The following CRTAC1 variants were observed in gnomAD, a reference collection of about 807,000 sequenced individuals.
CRTAC1 encodes cartilage acidic protein 1.
In CRTAC1, 37 loss-of-function variants were observed where a neutral mutation model predicts 67.8. That is an observed-to-expected ratio of 0.55 (90% CI 0.42 to 0.72). CRTAC1 has a LOEUF of 0.72. CRTAC1 is among the 30% of genes least tolerant of loss of function. The probability of loss-of-function intolerance (pLI) is 0.00; values close to 1 mark genes in which losing one functional copy is unlikely to be tolerated. For synonymous variants in CRTAC1, 348 were observed against 371.0 expected (o/e 0.94, Z 0.71); for missense variants, 780 against 931.6 (o/e 0.84, Z 2.12).
intron 3 of CRTAC1, among the ~76,000 whole-genome samples, 180 bp downstream of exon 3, chr10:97,935,990 C>T (rs1440231154): frequency 6.6e-6 from 1 of 152,140 alleles, no homozygotes; most frequent in Non-Finnish European, 1.5e-5. Context: ...TACAGGCTCA[C>T]ACGCAAGAGA....
chr10:97,893,891 A>C (rs1479918101), intron 11 of CRTAC1, among the ~76,000 whole-genome samples: 1 of 152,192 alleles, frequency 6.6e-6, no homozygotes, highest in Non-Finnish European at 1.5e-5. Context: ...TTTCTCACTC[A>C]CCATAGTGCC....
intron 2 of CRTAC1, among the ~76,000 whole-genome samples, chr10:97,978,609 G>C (rs2051844086): frequency 1.3e-5 from 2 of 152,102 alleles, no homozygotes; most frequent in African/African-American, 4.8e-5. Context: ...TGGAGTTGAT[G>C]GCTTCCTCAA....
At chr10:97,955,289 G>A (rs555476677) in intron 2 of CRTAC1, among the ~76,000 whole-genome samples, 15 of 152,338 alleles carry the variant, frequency 9.8e-5, no homozygotes, top group South Asian at 4.1e-4. Context: ...AGAAAGAGAC[G>A]GGCTCTGGGC....
Position 98,029,725 on chromosome 10 carries a change from C to T in CRTAC1, c.24+724G>A, listed in dbSNP as rs1396810130. Among the ~76,000 whole-genome samples the T allele has an allele frequency of 1.3e-5, 2 of 152,348 alleles. No homozygotes were observed. The highest frequency in any genetic ancestry group is 6.5e-5 in the Admixed American group (1 of 15,308). ...CAAAGAAGCGCGCTGCATTGCTGGG[C>T]ATGCCCCCAAGCCCGGCCTGGCTGC... On this transcript the variant is annotated intron_variant, in intron 1 of 14. Coordinates refer to ENST00000370597, the MANE Select transcript of CRTAC1 (RefSeq NM_018058.7). This position sits in a 1 kb window ranked among gnomAD's most constrained non-coding sequence, Gnocchi z 4.7.
At chr10:97,906,888 G>C (rs902381132) in intron 6 of CRTAC1, among the ~76,000 whole-genome samples, 3 of 152,194 alleles carry the variant, frequency 2.0e-5, no homozygotes, top group African/African-American at 7.2e-5. Context: ...GCAGGGATTC[G>C]ATGTGAACTG....
chr10:97,901,717 G>C, intron 7 of CRTAC1, 78 bp from the exon 8 acceptor site: 1 of 1,552,360 alleles, frequency 6.4e-7, no homozygotes, highest in Non-Finnish European at 8.8e-7. Context: ...ATGGAGTGTG[G>C]GGGCAATTAA....
intron 12 of CRTAC1, 24 bp from the exon 13 acceptor site, chr10:97,882,852 A>T: frequency 1.2e-6 from 2 of 1,613,934 alleles, no homozygotes; most frequent in Non-Finnish European, 1.7e-6. Flanking sequence ...AGAAGCAGAG[A>T]CATGAGTGAG....
At chr10:97,999,007 A>G (rs1459399117) in intron 2 of CRTAC1, among the ~76,000 whole-genome samples, 1 of 152,264 alleles carries the variant, frequency 6.6e-6, no homozygotes, top group Admixed American at 6.5e-5. Flanking sequence ...TGGGATTTAG[A>G]AAACAAGAAC....
intron 1 of CRTAC1, among the ~76,000 whole-genome samples, chr10:98,025,757 A>G (rs1373916292): frequency 6.6e-6 from 1 of 152,236 alleles, no homozygotes; most frequent in Non-Finnish European, 1.5e-5. Context: ...CTCGGTGAGC[A>G]CGAATTTGTC....
intron 11 of CRTAC1, among the ~76,000 whole-genome samples, chr10:97,887,626 G>T (rs527840159): frequency 6.6e-6 from 1 of 152,184 alleles, no homozygotes; most frequent in Non-Finnish European, 1.5e-5. Flanking sequence ...AGATAAGCAG[G>T]CCTCAGAAAG....
At chr10:98,004,339 C>T (rs972906525) in intron 2 of CRTAC1, among the ~76,000 whole-genome samples, 2 of 152,196 alleles carry the variant, frequency 1.3e-5, no homozygotes, top group Non-Finnish European at 2.9e-5. Flanking sequence ...AGAAGAGGCC[C>T]TCTTTTCCTT....
At chr10:98,017,678 T>C (rs1435059468) in intron 1 of CRTAC1, among the ~76,000 whole-genome samples, 1 of 150,356 alleles carries the variant, frequency 6.7e-6, no homozygotes, top group Admixed American at 6.6e-5. Context: ...AGGACTCCAG[T>C]GGGGTGCTAA....
chr10:97,931,593 G>A (rs4919164), intron 3 of CRTAC1, among the ~76,000 whole-genome samples: 121,721 of 152,244 alleles, frequency 0.8, 50,158 homozygotes, highest in Non-Finnish European at 0.89. Context: ...CATGAGTTGG[G>A]CATGCTGTTT....
chr10:97,893,094 C>T (rs1383438234), intron 11 of CRTAC1, among the ~76,000 whole-genome samples: 1 of 152,160 alleles, frequency 6.6e-6, no homozygotes, highest in Non-Finnish European at 1.5e-5. Flanking sequence ...CCATGTGTAA[C>T]ATGGGGATAA....
At chr10:97,988,149 C>T (rs1462257454) in intron 2 of CRTAC1, among the ~76,000 whole-genome samples, 2 of 151,984 alleles carry the variant, frequency 1.3e-5, no homozygotes, top group African/African-American at 4.8e-5. Context: ...CCTGTCTGTC[C>T]TGACAGCCCC....
chr10:97,982,625 T>C (rs1003954400), intron 2 of CRTAC1, among the ~76,000 whole-genome samples: 3 of 152,120 alleles, frequency 2.0e-5, no homozygotes, highest in Admixed American at 1.3e-4. Context: ...TCTCTAGCGG[T>C]CCCCAGTTGA....
At chr10:98,026,241 G>A in intron 1 of CRTAC1, among the ~76,000 whole-genome samples, 1 of 152,192 alleles carries the variant, frequency 6.6e-6, no homozygotes, top group East Asian at 1.9e-4. Context: ...CAGAGGTTAA[G>A]TGGTTTGTTT....
intron 2 of CRTAC1, among the ~76,000 whole-genome samples, chr10:97,967,171 T>C (rs1338827524): frequency 6.6e-6 from 1 of 152,238 alleles, no homozygotes; most frequent in East Asian, 1.9e-4. Context: ...TACAATCATT[T>C]ATTTATATCA....
At chr10:97,902,203 C>T (rs1331270929) in intron 7 of CRTAC1, among the ~76,000 whole-genome samples, 1 of 152,166 alleles carries the variant, frequency 6.6e-6, no homozygotes, top group Middle Eastern at 3.2e-3. Flanking sequence ...CCTTCCCCAT[C>T]AGTAATGTGG....
Sources: gnomAD v4.1 joint callset for allele counts (sites outside exome capture counted in the v4.1 genomes callset) on GRCh38, gnomAD v4.1.1 for gene constraint, Gnocchi (gnomAD v3.1) non-coding constraint, MANE v1.5 for transcripts, NCBI Gene and HGNC (gene_info 2026-07-23, HGNC 2026-07-21) for gene names.